Variants in CSMD1 observed in about 807,000 individuals in gnomAD.
The protein encoded by CSMD1 is CUB and Sushi multiple domains 1, also known as CUB and sushi domain-containing protein 1.
In CSMD1, 213 loss-of-function variants were observed where a neutral mutation model predicts 417.5. That is an observed-to-expected ratio of 0.51 (90% confidence interval 0.46 to 0.57). The LOEUF is 0.57. Ranked by LOEUF, CSMD1 falls within the 20% of genes least tolerant of loss-of-function variation. The pLI, the probability that CSMD1 is intolerant of heterozygous loss-of-function variation, is 0.00. For missense variants in CSMD1, 6,923 were observed against 4,529.7 expected, an observed-to-expected ratio of 1.53 and a Z score of -15.17; for synonymous variants, 2,862 against 1,736.8, an observed-to-expected ratio of 1.65 and a Z score of -16.11.
At chr8:3,962,380 G>A (rs749241714) in intron 5 of CSMD1, among the ~76,000 whole-genome samples, 14 of 152,260 alleles carry the variant, frequency 9.2e-5, no homozygotes, top group East Asian at 1.9e-4. Flanking sequence ...CAGGCAGCAC[G>A]GGCGTTGTCA....
chr8:4,761,301 T>G (rs990477647), intron 1 of CSMD1, among the ~76,000 whole-genome samples: 2 of 152,114 alleles, frequency 1.3e-5, no homozygotes, highest in African/African-American at 2.4e-5. Context: ...CAAGGGATTT[T>G]GAACAACTAA....
At chr8:4,597,197 T>A (rs1800331861) in intron 2 of CSMD1, among the ~76,000 whole-genome samples, 1 of 152,206 alleles carries the variant, frequency 6.6e-6, no homozygotes, top group Non-Finnish European at 1.5e-5. Context: ...TGATGCTGAT[T>A]GAATGAAATA....
intron 26 of CSMD1, among the ~76,000 whole-genome samples, chr8:3,265,112 T>C (rs1252846606): frequency 6.6e-6 from 1 of 152,196 alleles, no homozygotes; most frequent in Non-Finnish European, 1.5e-5. Context: ...GGCACCATGT[T>C]AAGGATTGTC....
At chr8:3,387,353 G>A in intron 18 of CSMD1, 141 bp downstream of exon 18, 1 of 614,044 alleles carries the variant, frequency 1.6e-6, no homozygotes, top group Non-Finnish European at 2.8e-6. Context: ...ATGATACGAT[G>A]ATGGTATACA....
At chr8:4,213,657 G>A (rs180840371) in intron 3 of CSMD1, among the ~76,000 whole-genome samples, 28 of 152,332 alleles carry the variant, frequency 1.8e-4, no homozygotes, top group African/African-American at 6.5e-4. Flanking sequence ...TTGTTGCTCA[G>A]CAACTGAGAT....
chr8:4,836,993 G>T (rs1054008224), intron 1 of CSMD1, among the ~76,000 whole-genome samples: 1 of 152,028 alleles, frequency 6.6e-6, no homozygotes, highest in South Asian at 2.1e-4. Context: ...GTTGTTAAGA[G>T]ACCACCCAGA....
chr8:4,809,565 T>C (rs1393959001), intron 1 of CSMD1, among the ~76,000 whole-genome samples: 1 of 152,192 alleles, frequency 6.6e-6, no homozygotes, highest in Non-Finnish European at 1.5e-5. Context: ...CCTAGACCCA[T>C]GAGCTCTACT....
chr8:4,481,998 G>C (rs1563220092), intron 2 of CSMD1, among the ~76,000 whole-genome samples: 1 of 152,118 alleles, frequency 6.6e-6, no homozygotes, highest in Non-Finnish European at 1.5e-5. Flanking sequence ...ATCAGTACAA[G>C]TCTTTCCAGA....
intron 3 of CSMD1, among the ~76,000 whole-genome samples, chr8:4,363,371 T>C (rs1411479752): frequency 1.3e-5 from 2 of 152,178 alleles, no homozygotes; most frequent in African/African-American, 4.8e-5. Flanking sequence ...TGCATGTGCG[T>C]GCATGCTTTA....
intron 25 of CSMD1, among the ~76,000 whole-genome samples, chr8:3,293,669 C>T (rs1421311584): frequency 1.3e-5 from 2 of 152,172 alleles, no homozygotes; most frequent in Non-Finnish European, 2.9e-5. Context: ...CCTTGGTTTT[C>T]AGCTACATCA....
At chr8:4,493,524 C>T (rs1318178369) in intron 2 of CSMD1, among the ~76,000 whole-genome samples, 1 of 151,978 alleles carries the variant, frequency 6.6e-6, no homozygotes. Context: ...ATTGGGATCC[C>T]ATCTCTACGA....
rs866777923 is a variant in CSMD1, at chr8:4,905,815, A to C, written c.85+88517T>G. Among the ~76,000 whole-genome samples the C allele has an allele frequency of 3.5e-5, 4 of 114,860 alleles. No homozygotes were observed. The East Asian group carries it at 1.6e-3, about 47-fold the overall frequency. The allele number at this position is 114,860 out of a possible 152,430, so 75.4% of individuals were successfully genotyped here. On this transcript the variant is annotated intron_variant, in intron 1 of 69. Transcript: ENST00000635120. ...AGCCTGGGCCACAGAGCGAGACTCC[A>C]TCTCAAAAAAAAAAAAAAAGAAAAA...
At chr8:3,492,280 A>G (rs1347170223) in intron 11 of CSMD1, among the ~76,000 whole-genome samples, 1 of 152,128 alleles carries the variant, frequency 6.6e-6, no homozygotes. Context: ...GCATAAAGAC[A>G]TGAAGGAAAT....
At chr8:3,513,893 T>A (rs751237362) in intron 10 of CSMD1, among the ~76,000 whole-genome samples, 12 of 152,184 alleles carry the variant, frequency 7.9e-5, no homozygotes, top group Non-Finnish European at 1.5e-4. Context: ...ACAAAGGTTA[T>A]AACCACAGAA....
intron 1 of CSMD1, among the ~76,000 whole-genome samples, chr8:4,957,383 C>T (rs1289479242): frequency 6.6e-6 from 1 of 152,154 alleles, no homozygotes; most frequent in Admixed American, 6.5e-5. Context: ...GTTCAAAAAG[C>T]AATGAAACAC....
intron 2 of CSMD1, among the ~76,000 whole-genome samples, chr8:4,545,069 T>C (rs1797571288): frequency 6.6e-6 from 1 of 152,222 alleles, no homozygotes; most frequent in Non-Finnish European, 1.5e-5. Context: ...TGCACACATA[T>C]GTGTGTATGA....
chr8:4,085,180 G>A (rs888117732), intron 3 of CSMD1, among the ~76,000 whole-genome samples: 2 of 152,140 alleles, frequency 1.3e-5, no homozygotes, highest in Non-Finnish European at 2.9e-5. Flanking sequence ...GCTGAGGATG[G>A]CAGCACAGTG....
chr8:3,695,498 G>A (rs140647685), intron 7 of CSMD1, among the ~76,000 whole-genome samples: 1 of 152,022 alleles, frequency 6.6e-6, no homozygotes, highest in Non-Finnish European at 1.5e-5. Context: ...ATGATAATTA[G>A]CGTTTATCAC....
At chr8:4,072,218 T>A (rs1231704504) in intron 3 of CSMD1, among the ~76,000 whole-genome samples, 3 of 152,212 alleles carry the variant, frequency 2.0e-5, no homozygotes, top group Non-Finnish European at 4.4e-5. Flanking sequence ...TTATATTTCA[T>A]CCACAGTTGC....
Sources: gnomAD v4.1 joint callset for allele counts (sites outside exome capture counted in the v4.1 genomes callset) on GRCh38, gnomAD v4.1.1 for gene constraint, MANE v1.5 for transcripts, NCBI Gene and HGNC (gene_info 2026-07-23, HGNC 2026-07-21) for gene names.